PANK3: variants seen among roughly 807,000 people sequenced by gnomAD.
The protein encoded by PANK3 is pantothenate kinase 3.
Under a neutral mutation model 39.4 loss-of-function variants are expected in PANK3, and 20 were observed. The ratio of observed to expected loss-of-function variants is 0.51; its 90% CI spans 0.36 to 0.74. The LOEUF is 0.74. Ranked by LOEUF, PANK3 falls within the 30% of genes least tolerant of loss-of-function variation. The pLI is 0.00. For synonymous variants in PANK3, 140 were observed against 157.3 expected (o/e 0.89, Z 0.82); for missense variants, 265 against 437.0 (o/e 0.61, Z 3.51).
chr5:168,578,139 T>C (rs1561844389), intron 1 of PANK3, among the ~76,000 whole-genome samples: 1 of 152,258 alleles, frequency 6.6e-6, no homozygotes, highest in Non-Finnish European at 1.5e-5. Flanking sequence ...CTTAGAGTTA[T>C]GAACCACATA....
intron 6 of PANK3, 124 bp downstream of exon 6, chr5:168,558,908 C>A: frequency 1.1e-6 from 1 of 882,040 alleles, no homozygotes; most frequent in Non-Finnish European, 1.6e-6. Context: ...TTGATGAGCC[C>A]AGGAGGAAGA....
rs770149113 is a variant in PANK3, at chr5:168,558,396, C to T, written c.1062+636G>A. On this transcript the variant is annotated intron_variant, in intron 6 of 6. Transcript: ENST00000239231. ...AGCCAGGATGGTCTTGATCTCCTGA[C>T]CTCGTGATCCGTCCGCCTTGGCCTC... is the stretch of plus-strand genomic sequence containing the variant. 3.9e-5 allele frequency among the ~76,000 whole-genome samples: 6 copies of T among 152,062 alleles called. No individual in the cohort carries two copies. The East Asian group carries it at 7.7e-4, about 20-fold the overall frequency.
intron 2 of PANK3, 139 bp from the exon 3 acceptor site, chr5:168,566,405 T>A: frequency 1.0e-6 from 1 of 965,440 alleles, no homozygotes; most frequent in South Asian, 1.8e-5. Context: ...TCAGAATCTC[T>A]TTCGGGATTT....
rs1445461996 is a variant in PANK3 at position 168,556,056 on chromosome 5, A to G, written c.*1515T>C. 1 of 152,272 alleles carries G rather than the reference A, an allele frequency of 6.6e-6. No individual in the cohort carries two copies. Among genetic ancestry groups the G allele is most frequent in the African/African-American group, 2.4e-5 (1 of 41,474 alleles). The allele number at this position is 152,272 out of a possible 1,614,324, so 9.4% of individuals were successfully genotyped here. A position where few individuals can be genotyped will look rare whatever the true frequency, so the allele number is the denominator to read the frequency against. ...ATTTGCATTCGTTACTTCAAAATTC[A>G]GACTCATCTACCTTTCCAAGTTAGA... On this transcript the variant is annotated 3_prime_UTR_variant, in exon 7 of 7. Transcript: ENST00000239231.
In PANK3 at chr5:168,554,103, G is replaced by A. The variant is rs1194740769; in HGVS notation, c.*3468C>T. 1 of 152,054 alleles carries A rather than the reference G, an allele frequency of 6.6e-6. No homozygotes were observed. The highest frequency in any genetic ancestry group is 2.4e-5 in the African/African-American group (1 of 41,416). 9.4% of individuals were successfully genotyped at this position (152,054 alleles called of 1,614,324 possible). ...CAAAATTTGTAAAGCCTTTTACCTG[G>A]GAATTTATTCTCTCTTTTGTATTTT... is the stretch of plus-strand genomic sequence containing the variant. On this transcript the variant is annotated 3_prime_UTR_variant, in exon 7 of 7. Coordinates refer to ENST00000239231, the MANE Select transcript of PANK3 (RefSeq NM_024594.4).
chr5:168,562,067 A>G lies in PANK3; in HGVS notation c.813-551T>C, dbSNP rs188849840. On this transcript the variant is annotated intron_variant, in intron 4 of 6. Coordinates refer to ENST00000239231, the MANE Select transcript of PANK3 (RefSeq NM_024594.4). ...TTAATTGTACATTTCATTTAAGCCAATATATCCAAATATCATCAATTCAAC... is the reference window on the plus strand; with the variant it reads ...TTAATTGTACATTTCATTTAAGCCAGTATATCCAAATATCATCAATTCAAC... Among the ~76,000 whole-genome samples, 36 of 152,334 alleles carry G rather than the reference A, an allele frequency of 2.4e-4. No individual in the cohort carries two copies. The East Asian group carries it at 5.8e-3, about 24-fold the overall frequency.
At chr5:168,565,885 ATT>A (rs57664567) in intron 3 of PANK3, 126 bp downstream of exon 3, 2,132 of 194,562 alleles carry the variant, frequency 0.011, 576 homozygotes, top group East Asian at 0.084. Flanking sequence ...ATATATATAT[ATT>A]TTTTTTTTTT....
rs191451226 is a variant in PANK3 at position 168,554,841 on chromosome 5, G to A, written c.*2730C>T. 9.2e-5 allele frequency: 14 copies of A among 152,220 alleles called. No individual in the cohort carries two copies. In the East Asian group the frequency reaches 2.5e-3, roughly 27 times the overall value. The allele number at this position is 152,220 out of a possible 1,614,324, so 9.4% of individuals were successfully genotyped here. The stretch of plus-strand genomic sequence containing the variant: ...ACTGTATTAGCATCTATAGATTTAG[G>A]GCAATCTTTAAGAAAAAATGGAATG... On this transcript the variant is annotated 3_prime_UTR_variant, in exon 7 of 7. Transcript: ENST00000239231.
intron 1 of PANK3, among the ~76,000 whole-genome samples, chr5:168,578,041 T>G (rs1007631853): frequency 3.9e-5 from 6 of 152,184 alleles, no homozygotes; most frequent in African/African-American, 1.4e-4. Context: ...TTTAAAAATT[T>G]TAATTAACAG....
intron 6 of PANK3, among the ~76,000 whole-genome samples, chr5:168,558,787 G>C (rs1307576729): frequency 6.6e-6 from 1 of 152,062 alleles, no homozygotes; most frequent in Non-Finnish European, 1.5e-5. Flanking sequence ...GACTAGCCTG[G>C]GCAACAAAGA....
chr5:168,568,547 C>T, intron 2 of PANK3, 99 bp downstream of exon 2: 1 of 914,514 alleles, frequency 1.1e-6, no homozygotes, highest in Non-Finnish European at 1.6e-6. Flanking sequence ...ATATTTCCCA[C>T]TGCATGTGCA....
chr5:168,573,374 T>G (rs113560212), intron 1 of PANK3, among the ~76,000 whole-genome samples: 1 of 67,462 alleles, frequency 1.5e-5, no homozygotes, highest in Admixed American at 1.5e-4. Context: ...GCCAGAAAAA[T>G]AATCACTATT....
At chr5:168,559,823 G>C (rs543651721) in intron 5 of PANK3, among the ~76,000 whole-genome samples, 1 of 152,240 alleles carries the variant, frequency 6.6e-6, no homozygotes, top group African/African-American at 2.4e-5. Flanking sequence ...CAGAATTGGA[G>C]AGTAATACTG....
At chr5:168,563,705 T>C (rs1759480031) in intron 4 of PANK3, among the ~76,000 whole-genome samples, 184 bp downstream of exon 4, 1 of 151,888 alleles carries the variant, frequency 6.6e-6, no homozygotes, top group African/African-American at 2.4e-5. Context: ...TCTTACAAGG[T>C]GCACTCAGGG....
chr5:168,557,944 A>C (rs758497510), intron 6 of PANK3, among the ~76,000 whole-genome samples: 10 of 152,088 alleles, frequency 6.6e-5, no homozygotes, highest in Non-Finnish European at 1.5e-4. Context: ...ATAGGCTCAC[A>C]CTGAAATACG....
intron 3 of PANK3, 126 bp downstream of exon 3, chr5:168,565,887 T>C (rs7720884): frequency 1.4e-4 from 20 of 147,972 alleles, no homozygotes; most frequent in East Asian, 3.5e-4. Context: ...ATATATATAT[T>C]TTTTTTTTTT....
At position 168,569,120 on chromosome 5, in the gene PANK3, CAAT is replaced by C. The variant is rs974059195; in HGVS notation, c.29-125_29-123del. On this transcript the variant is annotated intron_variant, in intron 1 of 6. Coordinates refer to ENST00000239231, the MANE Select transcript of PANK3 (RefSeq NM_024594.4). ...ATTTACTCTGAATCATGCATTCAGG[CAAT>C]AATATGTATTGGGTAAGACACATGT... The C allele has an allele frequency of 1.7e-5, 4 of 238,682 alleles. No individual in the cohort carries two copies. In the Admixed American group the frequency reaches 2.3e-4, roughly 14 times the overall value. The allele number at this position is 238,682 out of a possible 1,614,324, so 14.8% of individuals were successfully genotyped here. A position where few individuals can be genotyped will look rare whatever the true frequency, so the allele number is the denominator to read the frequency against.
intron 4 of PANK3, 89 bp from the exon 5 acceptor site, chr5:168,561,605 T>C (rs1268147187): frequency 2.6e-6 from 3 of 1,173,486 alleles, no homozygotes; most frequent in East Asian, 5.8e-5. Context: ...TGGATATTTT[T>C]ATAAAATTAG....
At chr5:168,573,257 C>T (rs1366033667) in intron 1 of PANK3, among the ~76,000 whole-genome samples, 2 of 151,526 alleles carry the variant, frequency 1.3e-5, no homozygotes, top group African/African-American at 4.9e-5. Context: ...GAACTCAGCC[C>T]TGCTATAACT....
Sources: allele counts gnomAD v4.1 joint callset (sites outside exome capture counted in the v4.1 genomes callset), GRCh38; gene constraint gnomAD v4.1.1; transcripts MANE v1.5; gene names NCBI Gene and HGNC (gene_info 2026-07-23, HGNC 2026-07-21).